SYNRG: variants seen among roughly 807,000 people sequenced by gnomAD.
SYNRG encodes AP1 gamma subunit binding protein 1.
In SYNRG, 37 loss-of-function variants were observed where a neutral mutation model predicts 130.9. That is an observed-to-expected ratio of 0.28 (90% confidence interval 0.22 to 0.37). The LOEUF is 0.37. Among genes scored for constraint, SYNRG ranks in the 10% least tolerant of loss-of-function variants. The pLI is 1.00. For missense variants in SYNRG, 1,338 were observed against 1,588.9 expected (o/e 0.84, Z 2.68); for synonymous variants, 539 against 568.1 (o/e 0.95, Z 0.73).
chr17:37,582,285 A>G (rs2061394445), intron 6 of SYNRG, among the ~76,000 whole-genome samples: 1 of 152,218 alleles, frequency 6.6e-6, no homozygotes, highest in Admixed American at 6.5e-5. Flanking sequence ...GATGCAAAAT[A>G]TGCAAAATTA....
chr17:37,598,554 G>A lies in SYNRG; in HGVS notation c.118+1809C>T, dbSNP rs184250655. On this transcript the variant is annotated intron_variant, in intron 2 of 21. Coordinates refer to ENST00000612223, the MANE Select transcript of SYNRG (RefSeq NM_007247.6). ...ATTTCAAGGCACAAAAGTGTACACA[G>A]TAAAAAATAGGTCTCTTTCTCTCCT... 9.2e-5 allele frequency among the ~76,000 whole-genome samples: 14 copies of A among 152,326 alleles called. No individual in the cohort carries two copies. In the East Asian group the frequency reaches 2.7e-3, roughly 29 times the overall value.
At chr17:37,576,250 TG>T in intron 8 of SYNRG, 90 bp downstream of exon 8, 1 of 1,273,178 alleles carries the variant, frequency 7.9e-7, no homozygotes, top group Non-Finnish European at 1.1e-6. Flanking sequence ...CTGCATTTTT[TG>T]TAAGTGCAAC....
intron 2 of SYNRG, among the ~76,000 whole-genome samples, chr17:37,600,100 C>T (rs75286693): frequency 0.012 from 1,887 of 152,290 alleles, 37 homozygotes; most frequent in African/African-American, 0.043. Context: ...AAAAGTCTTT[C>T]ACCTCTGAGG....
intron 13 of SYNRG, among the ~76,000 whole-genome samples, chr17:37,555,230 G>C (rs1024119850): frequency 6.6e-6 from 1 of 151,924 alleles, no homozygotes; most frequent in Admixed American, 6.6e-5. Context: ...AGGTTCAAGC[G>C]ATTCTCCTGC....
At chr17:37,561,654 T>A in intron 11 of SYNRG, 65 bp from the exon 12 acceptor site, 1 of 1,251,154 alleles carries the variant, frequency 8.0e-7, no homozygotes, top group African/African-American at 1.5e-5. Flanking sequence ...AAAAGGAAGT[T>A]AGAATTAAAA....
At chr17:37,588,902 T>C (rs983701870) in intron 3 of SYNRG, among the ~76,000 whole-genome samples, 1 of 152,208 alleles carries the variant, frequency 6.6e-6, no homozygotes, top group Non-Finnish European at 1.5e-5. Flanking sequence ...CAAACTCCTT[T>C]CTTGAGGAAC....
chr17:37,594,459 C>CT lies in SYNRG; in HGVS notation c.240+1763dup, dbSNP rs1413482052. Among the ~76,000 whole-genome samples, 623 of 137,696 alleles carry CT rather than the reference C, an allele frequency of 4.5e-3. 4 individuals are homozygous for CT. Among genetic ancestry groups the CT allele is most frequent in the Non-Finnish European group, 8.1e-3 (513 of 63,596 alleles). The allele number at this position is 137,696 out of a possible 152,430, so 90.3% of individuals were successfully genotyped here. On this transcript the variant is annotated intron_variant, in intron 3 of 21. Coordinates refer to ENST00000612223, the MANE Select transcript of SYNRG (RefSeq NM_007247.6). ...TTTTTAGTTATTTGCTGCCTTTCTTCTTCTTTTTTTTTTTTTTTTTTGAGA... is the reference window on the plus strand; with the variant it reads ...TTTTTAGTTATTTGCTGCCTTTCTTCTTTCTTTTTTTTTTTTTTTTTTGAGA...
intron 11 of SYNRG, among the ~76,000 whole-genome samples, chr17:37,562,977 A>C (rs2059653566): frequency 6.6e-6 from 1 of 152,176 alleles, no homozygotes; most frequent in South Asian, 2.1e-4. Context: ...TTTTAAAATT[A>C]TATTCACAGA....
chr17:37,552,674 T>C (rs1598296556), intron 14 of SYNRG, among the ~76,000 whole-genome samples: 1 of 152,306 alleles, frequency 6.6e-6, no homozygotes, highest in African/African-American at 2.4e-5. Context: ...CAAGAGTTAA[T>C]TTCTGTAAAT....
intron 6 of SYNRG, among the ~76,000 whole-genome samples, chr17:37,583,194 G>A (rs780804279): frequency 2.0e-5 from 3 of 152,038 alleles, no homozygotes; most frequent in Non-Finnish European, 2.9e-5. Flanking sequence ...GTTTCACCAT[G>A]TTGGCCACGC....
At chr17:37,524,774 A>G (rs1242105407) in intron 19 of SYNRG, among the ~76,000 whole-genome samples, 1 of 152,252 alleles carries the variant, frequency 6.6e-6, no homozygotes, top group African/African-American at 2.4e-5. Context: ...AAAGTAGTCT[A>G]TATGATGATC....
chr17:37,534,821 C>T (rs1282821441), intron 19 of SYNRG, among the ~76,000 whole-genome samples: 1 of 152,004 alleles, frequency 6.6e-6, no homozygotes, highest in East Asian at 1.9e-4. Flanking sequence ...GGGTATCCAC[C>T]TGGCTATCAG....
chr17:37,524,342 T>C (rs1361514786), intron 19 of SYNRG, among the ~76,000 whole-genome samples: 1 of 152,248 alleles, frequency 6.6e-6, no homozygotes, highest in African/African-American at 2.4e-5. Flanking sequence ...TAAAAATGTG[T>C]AGATTATGTA....
At chr17:37,544,373 G>T (rs2058073085) in intron 14 of SYNRG, among the ~76,000 whole-genome samples, 1 of 151,554 alleles carries the variant, frequency 6.6e-6, no homozygotes, top group Non-Finnish European at 1.5e-5. Context: ...GGAGTGCAAT[G>T]GCGCGATCTC....
At chr17:37,575,697 C>A (rs2060773619) in intron 8 of SYNRG, among the ~76,000 whole-genome samples, 1 of 151,796 alleles carries the variant, frequency 6.6e-6, no homozygotes, top group South Asian at 2.1e-4. Flanking sequence ...CAAAAATTAG[C>A]TGGGTGTAGT....
At chr17:37,590,805 T>C (rs750524282) in intron 3 of SYNRG, among the ~76,000 whole-genome samples, 5 of 151,776 alleles carry the variant, frequency 3.3e-5, no homozygotes, top group Non-Finnish European at 5.9e-5. Context: ...CTGTAATCCC[T>C]GGTACTAGGG....
At chr17:37,604,448 C>A (rs949650780) in intron 1 of SYNRG, among the ~76,000 whole-genome samples, 3 of 152,194 alleles carry the variant, frequency 2.0e-5, no homozygotes, top group Non-Finnish European at 4.4e-5. Context: ...TCACCTATTT[C>A]TCAGCCTTCA....
chr17:37,516,532 C>T lies in SYNRG; in HGVS notation c.*2408G>A, dbSNP rs1444023382. On this transcript the variant is annotated 3_prime_UTR_variant, in exon 22 of 22. Coordinates refer to ENST00000612223, the MANE Select transcript of SYNRG (RefSeq NM_007247.6). ...TTATCTGAGGCATTCTGGAATTTCTCAGGAATAGAAACCAGCCCAGCTACC... is the reference window on the plus strand; with the variant it reads ...TTATCTGAGGCATTCTGGAATTTCTTAGGAATAGAAACCAGCCCAGCTACC... The T allele has an allele frequency of 1.3e-5, 2 of 152,074 alleles. No homozygotes were observed. The highest frequency in any genetic ancestry group is 4.8e-5 in the African/African-American group (2 of 41,410). The allele number at this position is 152,074 out of a possible 1,614,324, so 9.4% of individuals were successfully genotyped here.
chr17:37,548,975 A>G (rs571210527), intron 14 of SYNRG, among the ~76,000 whole-genome samples: 2 of 151,914 alleles, frequency 1.3e-5, no homozygotes, highest in Non-Finnish European at 2.9e-5. Flanking sequence ...ATCTCTATTA[A>G]AAATACAAAA....
Sources: allele counts gnomAD v4.1 joint callset (sites outside exome capture counted in the v4.1 genomes callset), GRCh38; gene constraint gnomAD v4.1.1; transcripts MANE v1.5; gene names NCBI Gene and HGNC (gene_info 2026-07-23, HGNC 2026-07-21).